Variants in DNAH17 observed in about 807,000 individuals in gnomAD.
The protein encoded by DNAH17 is dynein axonemal heavy chain 17.
DNAH17 carries 376 observed loss-of-function variants against 485.6 expected under a neutral mutation model. The ratio of observed to expected loss-of-function variants is 0.77; its 90% CI spans 0.71 to 0.84. The LOEUF is 0.84. Among genes scored for constraint, DNAH17 ranks in the 40% least tolerant of loss-of-function variants. The pLI is 0.00. For missense variants in DNAH17, 6,370 were observed against 5,839.3 expected (o/e 1.09, Z -2.96); for synonymous variants, 3,031 against 2,405.9 (o/e 1.26, Z -7.60).
At chr17:78,475,503 T>G (rs754959611) in intron 53 of DNAH17, 34 bp from the exon 54 acceptor site, 1 of 1,612,780 alleles carries the variant, frequency 6.2e-7, no homozygotes, top group Non-Finnish European at 8.5e-7. Context: ...CAACATCTTG[T>G]AGCACCTGGA....
At chr17:78,569,782 C>G (rs34066190) in intron 7 of DNAH17, among the ~76,000 whole-genome samples, 1 of 152,156 alleles carries the variant, frequency 6.6e-6, no homozygotes, top group Non-Finnish European at 1.5e-5. Context: ...GACAGGGGAC[C>G]CCGGTGCCCT....
intron 7 of DNAH17, 78 bp from the exon 8 acceptor site, chr17:78,569,605 C>T: frequency 6.7e-7 from 1 of 1,497,582 alleles, no homozygotes; most frequent in Non-Finnish European, 9.0e-7. Context: ...GCCTGCAGGA[C>T]CTGTGATCTG....
intron 72 of DNAH17, among the ~76,000 whole-genome samples, chr17:78,439,643 T>C (rs141320509): frequency 2.0e-5 from 3 of 151,388 alleles, no homozygotes; most frequent in Admixed American, 6.6e-5. Context: ...CCATCCACGT[T>C]GTAGCATGTA....
chr17:78,437,577 C>T (rs1280373590), intron 74 of DNAH17, 64 bp downstream of exon 74: 3 of 1,420,336 alleles, frequency 2.1e-6, no homozygotes, highest in Non-Finnish European at 2.9e-6. Flanking sequence ...CCTCGGGGCC[C>T]CAAGGGATGG....
Position 78,484,942 on chromosome 17 carries a change from G to A in DNAH17, c.7575C>T (p.Asn2525=), listed in dbSNP as rs2146642829. The A allele has an allele frequency of 1.2e-6, 2 of 1,611,458 alleles. No individual in the cohort carries two copies. Among genetic ancestry groups the A allele is most frequent in the Non-Finnish European group, 1.7e-6 (2 of 1,178,714 alleles). Residue 2525 remains asparagine, a synonymous_variant, in exon 48 of 81, where the codon AAC becomes AAT. Transcript: ENST00000389840. The part of the protein sequence containing the change: ...KKLVYFIDDM[N]MPEVDKYGTV... The stretch of plus-strand genomic sequence containing the variant: ...TCCCATACTTGTCCACCTCGGGCAT[G>A]TTCATGTCGTCGATGAAGTAGACGA...
intron 26 of DNAH17, among the ~76,000 whole-genome samples, chr17:78,512,846 C>T (rs1038594512): frequency 1.4e-5 from 2 of 145,984 alleles, no homozygotes; most frequent in African/African-American, 2.6e-5. Flanking sequence ...GAGGCTGAAT[C>T]AGGAGAATCA....
rs1390608240 is a variant in DNAH17, at chr17:78,501,171, G to C, written c.5483+13C>G. 1.1e-5 allele frequency: 18 copies of C among 1,565,942 alleles called. No individual in the cohort carries two copies. Among genetic ancestry groups the C allele is most frequent in the African/African-American group, 1.3e-5 (1 of 74,286 alleles). On this transcript the variant is annotated intron_variant, in intron 35 of 80. Coordinates refer to ENST00000389840, the MANE Select transcript of DNAH17 (RefSeq NM_173628.4). ...CCAAGAGCACATGTGAGTTACTCAG[G>C]GACGGGCCTCACCTGTCAGTGAGTG...
At chr17:78,556,761 C>T (rs2092031982) in intron 14 of DNAH17, among the ~76,000 whole-genome samples, 1 of 152,106 alleles carries the variant, frequency 6.6e-6, no homozygotes, top group African/African-American at 2.4e-5. Flanking sequence ...ACCCGAATGC[C>T]CATCAACAGA....
intron 32 of DNAH17, 87 bp downstream of exon 32, chr17:78,502,799 A>G: frequency 6.3e-7 from 1 of 1,588,218 alleles, no homozygotes; most frequent in Non-Finnish European, 8.6e-7. Context: ...CCAGGGGACC[A>G]CAGTTAACAG....
intron 58 of DNAH17, among the ~76,000 whole-genome samples, chr17:78,460,885 T>G (rs2088086396): frequency 6.6e-6 from 1 of 152,140 alleles, no homozygotes; most frequent in African/African-American, 2.4e-5. Flanking sequence ...ACATACTCAT[T>G]CATTCACTCA....
chr17:78,428,303 C>G lies in DNAH17; in HGVS notation c.12588+222G>C. On this transcript the variant is annotated intron_variant, in intron 77 of 80. Transcript: ENST00000389840. Reference sequence around the variant, plus strand: ...CCACACCCCCAAGGATCCCTTTTGTCTGGGCCCGTACGCTCACCCGAAGCC... The same window carrying G: ...CCACACCCCCAAGGATCCCTTTTGTGTGGGCCCGTACGCTCACCCGAAGCC... 5.0e-6 allele frequency: 3 copies of G among 601,324 alleles called. No individual in the cohort carries two copies. The South Asian group carries it at 5.6e-5, about 11-fold the overall frequency. 37.2% of individuals were successfully genotyped at this position (601,324 alleles called of 1,614,324 possible). A position where few individuals can be genotyped will look rare whatever the true frequency, so the allele number is the denominator to read the frequency against.
rs751764350 is a variant in DNAH17, at chr17:78,468,647, G to C, written c.8748C>G (p.Phe2916Leu). 6 of 1,613,812 alleles carry C rather than the reference G, an allele frequency of 3.7e-6. No homozygotes were observed. Among genetic ancestry groups the C allele is most frequent in the Admixed American group, 1.7e-5 (1 of 59,988 alleles). Residue 2916 changes from phenylalanine to leucine, a missense_variant, in exon 55 of 81, where the codon TTC becomes TTG. Physicochemically the swap from Phe to Leu is conservative, Grantham distance 22 (BLOSUM62 0). Transcript: ENST00000389840. ...GCTGTCTGCGCACTTTTTCGATGAA[G>C]AACTTCCAACATGTTTCCCGAGTGT... The part of the protein sequence containing the change: ...MNDTRETCWK[F>L]FIEKVRRQLK...
rs2090303456 is a variant in DNAH17 at position 78,501,832 on chromosome 17, G to A, written c.5232C>T (p.Asn1744=). 1 of 1,613,978 alleles carries A rather than the reference G, an allele frequency of 6.2e-7. No individual in the cohort carries two copies. Among genetic ancestry groups the A allele is most frequent in the Non-Finnish European group, 8.5e-7 (1 of 1,179,882 alleles). The part of the protein sequence containing the change: ...LNVLITLLMG[N]LNAGDRMKIM... Reference sequence around the variant, plus strand: ...TCTTCATCCTGTCGCCAGCGTTGAGGTTCCCCATGAGCAGCGTGATGAGTA... The same window carrying A: ...TCTTCATCCTGTCGCCAGCGTTGAGATTCCCCATGAGCAGCGTGATGAGTA... The change falls in exon 34 of 81, where the codon AAC becomes AAT. Residue 1744 remains asparagine (N), a synonymous_variant. Transcript: ENST00000389840.
chr17:78,432,873 G>A (rs1422750090), intron 75 of DNAH17, among the ~76,000 whole-genome samples: 1 of 144,728 alleles, frequency 6.9e-6, no homozygotes, highest in East Asian at 2.1e-4. Flanking sequence ...AGGTCTCAGT[G>A]AATGAGTAGC....
Position 78,530,955 on chromosome 17 carries a change from G to A in DNAH17, c.3115-443C>T, listed in dbSNP as rs142575435. On this transcript the variant is annotated intron_variant, in intron 20 of 80. Transcript: ENST00000389840. ...CCCACGGGGCCCTCTTTCTCACTGTGCATTGGGAACAGAGCTAGAGGTTTG... is the reference window on the plus strand; with the variant it reads ...CCCACGGGGCCCTCTTTCTCACTGTACATTGGGAACAGAGCTAGAGGTTTG... Among the ~76,000 whole-genome samples the A allele has an allele frequency of 1.9e-3, 295 of 152,328 alleles. 6 individuals carry two copies. Among genetic ancestry groups the A allele is most frequent in the Admixed American group, 6.5e-3 (100 of 15,294 alleles).
In DNAH17 at chr17:78,502,662, C is replaced by T. The variant is rs752766622; in HGVS notation, c.5119G>A (p.Glu1707Lys). Residue 1707 changes from glutamate to lysine, a missense_variant, in exon 33 of 81, where the codon GAG (glutamate) becomes AAG (lysine). Physicochemically the swap from Glu to Lys is moderately conservative, Grantham distance 56. Transcript: ENST00000389840. ...AGCCTGGCAAATGCCAGGCCCACCT[C>T]GGTCGTCCACCAGATCTGGGTGCAA... is the stretch of plus-strand genomic sequence containing the variant. ...LTCTQIWWTT[E>K]VGLAFARLEE... The T allele has an allele frequency of 3.7e-5, 59 of 1,612,770 alleles. No homozygotes were observed. The highest frequency in any genetic ancestry group is 6.7e-5 in the East Asian group (3 of 44,896).
chr17:78,439,469 T>C (rs934883154), intron 72 of DNAH17, among the ~76,000 whole-genome samples: 3 of 152,120 alleles, frequency 2.0e-5, no homozygotes, highest in African/African-American at 7.2e-5. Context: ...GTGGTCCCCA[T>C]ACCCATTAGG....
At position 78,425,382 on chromosome 17, in the gene DNAH17, G is replaced by GT. The variant is rs745898152; in HGVS notation, c.13104_13105insA (p.Arg4369ThrfsTer25). On this transcript the variant is annotated frameshift_variant, in exon 80 of 81. Transcript: ENST00000389840. LOFTEE classifies it high-confidence loss of function. ...AGTCCGTACACGTAGGAGCCCTCTC[G>GT]CGGAGGAGCGGTCATGTCCTCTCGG... The GT allele has an allele frequency of 1.2e-6, 2 of 1,613,994 alleles. No homozygotes were observed. Among genetic ancestry groups the GT allele is most frequent in the Admixed American group, 1.7e-5 (1 of 60,016 alleles).
intron 26 of DNAH17, among the ~76,000 whole-genome samples, chr17:78,512,833 C>G (rs1443390503): frequency 6.7e-6 from 1 of 150,172 alleles, no homozygotes; most frequent in Non-Finnish European, 1.5e-5. Flanking sequence ...CCCAGCTACT[C>G]AGGAGGCTGA....
Sources: allele counts gnomAD v4.1 joint callset (sites outside exome capture counted in the v4.1 genomes callset), GRCh38; gene constraint gnomAD v4.1.1; transcripts MANE v1.5; gene names NCBI Gene and HGNC (gene_info 2026-07-23, HGNC 2026-07-21).